The following DCSTAMP variants were observed in gnomAD, a reference collection of about 807,000 sequenced individuals.
DCSTAMP encodes the protein dendrocyte expressed seven transmembrane protein, also known as dendritic cell-specific transmembrane protein.
DCSTAMP carries 25 observed loss-of-function variants against 33.8 expected under a neutral mutation model. The ratio of observed to expected loss-of-function variants is 0.74; its 90% CI spans 0.54 to 1.03. The LOEUF (loss-of-function observed/expected upper bound fraction) is 1.03, where lower values mean the gene tolerates loss of function less well. Ranked by LOEUF, DCSTAMP falls within the 50% of genes least tolerant of loss-of-function variation. DCSTAMP has a pLI of 0.00. For synonymous variants in DCSTAMP, 245 were observed against 216.7 expected (o/e 1.13, Z -1.15); for missense variants, 531 against 556.8 (o/e 0.95, Z 0.47).
intron 2 of DCSTAMP, among the ~76,000 whole-genome samples, chr8:104,353,747 CCG>C (rs1465239973): frequency 1.3e-5 from 2 of 152,224 alleles, no homozygotes; most frequent in Non-Finnish European, 2.9e-5. Context: ...TGCCCAGCGT[CCG>C]CTGGGTGTAG....
chr8:104,348,415 A>G, intron 1 of DCSTAMP, 126 bp from the exon 2 acceptor site: 1 of 878,934 alleles, frequency 1.1e-6, no homozygotes, highest in Non-Finnish European at 1.7e-6. Flanking sequence ...ATTTCAAGGG[A>G]GAGGACACAG....
At chr8:104,351,221 A>G (rs1209485202) in intron 2 of DCSTAMP, among the ~76,000 whole-genome samples, 1 of 152,166 alleles carries the variant, frequency 6.6e-6, no homozygotes, top group Non-Finnish European at 1.5e-5. Context: ...CTGACATTTC[A>G]GAGGATCTGG....
intron 1 of DCSTAMP, among the ~76,000 whole-genome samples, chr8:104,346,382 C>T (rs1447591628): frequency 1.3e-5 from 2 of 152,196 alleles, no homozygotes; most frequent in South Asian, 2.1e-4. Context: ...CTGCCTGTGC[C>T]GTGGAGCCTG....
At chr8:104,341,610 C>T (rs1001107042) in intron 1 of DCSTAMP, among the ~76,000 whole-genome samples, 1 of 152,224 alleles carries the variant, frequency 6.6e-6, no homozygotes, top group Admixed American at 6.5e-5. Context: ...ATGGCAACAG[C>T]TTGGCCCTGC....
intron 1 of DCSTAMP, among the ~76,000 whole-genome samples, chr8:104,347,557 C>A (rs2140471361): frequency 6.6e-6 from 1 of 152,366 alleles, no homozygotes; most frequent in African/African-American, 2.4e-5. Flanking sequence ...GACTCTCTAG[C>A]AGACCAGTAC....
chr8:104,353,292 G>A (rs990663930), intron 2 of DCSTAMP, among the ~76,000 whole-genome samples: 1 of 152,200 alleles, frequency 6.6e-6, no homozygotes, highest in African/African-American at 2.4e-5. Context: ...GTGCCATTTA[G>A]TATACTGCTC....
intron 2 of DCSTAMP, among the ~76,000 whole-genome samples, chr8:104,350,821 GAACT>G (rs933463343): frequency 4.6e-5 from 7 of 152,192 alleles, no homozygotes; most frequent in African/African-American, 1.7e-4. Context: ...CTGCAGAGTT[GAACT>G]AACAAAGCAA....
intron 2 of DCSTAMP, among the ~76,000 whole-genome samples, chr8:104,352,142 C>T (rs999266868): frequency 3.9e-5 from 6 of 152,172 alleles, no homozygotes; most frequent in Non-Finnish European, 8.8e-5. Flanking sequence ...TGAAGCCCCA[C>T]TTGCCATTTC....
chr8:104,346,745 G>A (rs1042092910), intron 1 of DCSTAMP, among the ~76,000 whole-genome samples: 1 of 152,224 alleles, frequency 6.6e-6, no homozygotes, highest in Non-Finnish European at 1.5e-5. Flanking sequence ...TCCTGGTGGA[G>A]AAATTTACAC....
Position 104,356,262 on chromosome 8 carries a change from C to A in DCSTAMP, c.*64C>A. 6.7e-7 allele frequency: 1 copy of A among 1,499,714 alleles called. No individual in the cohort carries two copies. The highest frequency in any genetic ancestry group is 9.1e-7 in the Non-Finnish European group (1 of 1,097,674). The allele number at this position is 1,499,714 out of a possible 1,614,324, so 92.9% of individuals were successfully genotyped here. A position where few individuals can be genotyped will look rare whatever the true frequency, so the allele number is the denominator to read the frequency against. ...TTCTCTTCAGGTCTAGGATGGCAGT[C>A]ACTATTCATGCCGGATAATAGAGAA... is the stretch of plus-strand genomic sequence containing the variant. On this transcript the variant is annotated 3_prime_UTR_variant, in exon 4 of 4. Transcript: ENST00000297581.
chr8:104,349,822 T>C (rs1460924161), intron 2 of DCSTAMP, among the ~76,000 whole-genome samples: 1 of 152,180 alleles, frequency 6.6e-6, no homozygotes, highest in Non-Finnish European at 1.5e-5. Context: ...TGGCCAATAA[T>C]TGAATGGCTT....
In DCSTAMP at chr8:104,348,647, A is replaced by T; in HGVS notation, c.95A>T (p.His32Leu). 6.2e-7 allele frequency: 1 copy of T among 1,614,200 alleles called. No homozygotes were observed. The highest frequency in any genetic ancestry group is 8.5e-7 in the Non-Finnish European group (1 of 1,180,042). ...CCCGGATGGATGGACTTTATCCAGCATTTGGGAGTTTGCTGTTTGGTTGCT... is the reference window on the plus strand; with the variant it reads ...CCCGGATGGATGGACTTTATCCAGCTTTTGGGAGTTTGCTGTTTGGTTGCT... ...RSPGWMDFIQ[H>L]LGVCCLVALI... Residue 32 changes from histidine (H) to leucine (L), a missense_variant, in exon 2 of 4, where the codon CAT becomes CTT. Transcript: ENST00000297581.
At chr8:104,343,334 G>A (rs531778275) in intron 1 of DCSTAMP, among the ~76,000 whole-genome samples, 41 of 152,282 alleles carry the variant, frequency 2.7e-4, no homozygotes, top group Middle Eastern at 3.4e-3. Flanking sequence ...CTGTGGCCAG[G>A]CATAAAGTAA....
At chr8:104,344,422 T>C (rs1166169797) in intron 1 of DCSTAMP, among the ~76,000 whole-genome samples, 1 of 152,196 alleles carries the variant, frequency 6.6e-6, no homozygotes, top group Non-Finnish European at 1.5e-5. Flanking sequence ...AGTGCTCATG[T>C]GGCCAGTGCC....
rs201469150 is a variant in DCSTAMP, at chr8:104,355,080, C to G, written c.1233C>G (p.Ser411Arg). 22 of 1,613,864 alleles carry G rather than the reference C, an allele frequency of 1.4e-5. No homozygotes were observed. The highest frequency in any genetic ancestry group is 5.1e-6 in the Non-Finnish European group (6 of 1,180,004). ...TGGTGTCAGCATCTTTCTACCCCAG[C>G]GTGGAGAGGAAGCGCATCCAATATC... The part of the protein sequence containing the change: ...KILVSASFYP[S>R]VERKRIQYLH... The change falls in exon 3 of 4, where the codon AGC (serine) becomes AGG (arginine). Residue 411 changes from serine (S) to arginine (R), a missense_variant. Physicochemically the swap from Ser to Arg is moderately radical, Grantham distance 110 (BLOSUM62 -1). Coordinates refer to ENST00000297581, the MANE Select transcript of DCSTAMP (RefSeq NM_030788.4).
In DCSTAMP at chr8:104,348,680, C is replaced by T; in HGVS notation, c.128C>T (p.Ser43Leu). 1 of 1,614,204 alleles carries T rather than the reference C, an allele frequency of 6.2e-7. No homozygotes were observed. Among genetic ancestry groups the T allele is most frequent in the Non-Finnish European group, 8.5e-7 (1 of 1,180,032 alleles). ...LGVCCLVALI[S>L]VGLLSVAACW... ...GTTTGCTGTTTGGTTGCTCTTATTT[C>T]AGTGGGCCTCCTGTCTGTGGCCGCC... The change falls in exon 2 of 4, where the codon TCA (serine) becomes TTA (leucine). Residue 43 changes from serine (S) to leucine (L), a missense_variant. By Grantham distance (145) the Ser-to-Leu change is moderately radical. Transcript: ENST00000297581.
At chr8:104,352,898 G>A (rs1044446412) in intron 2 of DCSTAMP, among the ~76,000 whole-genome samples, 17 of 152,154 alleles carry the variant, frequency 1.1e-4, no homozygotes, top group Admixed American at 7.2e-4. Context: ...CATGACTGAC[G>A]ATGCCCTGCC....
At position 104,349,297 on chromosome 8, in the gene DCSTAMP, A is replaced by G. The variant is rs1378123591; in HGVS notation, c.745A>G (p.Arg249Gly). The G allele has an allele frequency of 1.9e-6, 3 of 1,614,088 alleles. No homozygotes were observed. The highest frequency in any genetic ancestry group is 1.3e-5 in the African/African-American group (1 of 74,922). ...GWKYENIYIT[R>G]QFVQFDERER... is the part of the protein sequence containing the mutation. ...GAAGTATGAAAACATCTACATCACC[A>G]GACAATTTGTTCAGTTTGATGAAAG... is the stretch of plus-strand genomic sequence containing the variant. The change falls in exon 2 of 4, where the codon AGA becomes GGA. Residue 249 changes from arginine to glycine, a missense_variant. Coordinates refer to ENST00000297581, the MANE Select transcript of DCSTAMP (RefSeq NM_030788.4).
chr8:104,345,964 A>G (rs1810305028), intron 1 of DCSTAMP, among the ~76,000 whole-genome samples: 2 of 152,210 alleles, frequency 1.3e-5, no homozygotes, highest in South Asian at 4.1e-4. Context: ...AGCAGGGGCA[A>G]ACAGTGAGCT....
Sources: allele counts gnomAD v4.1 joint callset (sites outside exome capture counted in the v4.1 genomes callset), GRCh38; gene constraint gnomAD v4.1.1; transcripts MANE v1.5; gene names NCBI Gene and HGNC (gene_info 2026-07-23, HGNC 2026-07-21).